Variants in STXBP2 observed in about 807,000 individuals in gnomAD.
STXBP2 encodes the protein syntaxin binding protein 2, also known as syntaxin-binding protein 2.
Under a neutral mutation model 72.2 loss-of-function variants are expected in STXBP2, and 47 were observed. That is an observed-to-expected ratio of 0.65 (90% CI 0.51 to 0.83). STXBP2 has a LOEUF of 0.83. STXBP2 is among the 40% of genes least tolerant of loss of function. The pLI is 0.00. For missense variants in STXBP2, 702 were observed against 807.6 expected (o/e 0.87, Z 1.58); for synonymous variants, 367 against 338.7 (o/e 1.08, Z -0.92).
chr19:7,642,959 A>C lies in STXBP2; in HGVS notation c.961-24A>C. 1 of 1,613,532 alleles carries C rather than the reference A, an allele frequency of 6.2e-7. No individual in the cohort carries two copies. The highest frequency in any genetic ancestry group is 1.3e-5 in the African/African-American group (1 of 74,812). ...TGCCTGGCTTCGCCCCCCAATCCCT[A>C]CCCTCTTCCCCCTACTTCCCCAGGC... On this transcript the variant is annotated intron_variant, in intron 11 of 18. Coordinates refer to ENST00000221283, the MANE Select transcript of STXBP2 (RefSeq NM_006949.4). The surrounding 1 kb of genome is among the most constrained non-coding windows in gnomAD (Gnocchi z 6.0).
At chr19:7,638,824 G>C in intron 2 of STXBP2, 49 bp downstream of exon 2, 1 of 1,612,278 alleles carries the variant, frequency 6.2e-7, no homozygotes, top group Non-Finnish European at 8.5e-7. Flanking sequence ...TCATCATCAG[G>C]CCTATGGGGA....
intron 4 of STXBP2, chr19:7,640,464 A>G (rs1243510989): frequency 4.8e-6 from 3 of 631,364 alleles, no homozygotes; most frequent in Admixed American, 2.2e-5. Flanking sequence ...ATGTGTGTGC[A>G]TCTCTGTGTG....
chr19:7,640,641 G>A (rs1599394847), intron 4 of STXBP2, 90 bp from the exon 5 acceptor site: 1 of 1,532,434 alleles, frequency 6.5e-7, no homozygotes, highest in Non-Finnish European at 9.0e-7. Context: ...GTTTGCACAT[G>A]GTGGCAGATG....
Position 7,642,489 on chromosome 19 carries a change from T to C in STXBP2, c.855T>C (p.Asp285=). The change falls in exon 10 of 19, where the codon GAT becomes GAC. Residue 285 remains aspartate, a synonymous_variant. Coordinates refer to ENST00000221283, the MANE Select transcript of STXBP2 (RefSeq NM_006949.4). The surrounding 1 kb of genome is among the most constrained non-coding windows in gnomAD (Gnocchi z 6.0). ...REKAVLLDED[D]DLWVELRHMH... ...AGGCCGTCTTGCTGGACGAGGACGA[T>C]GACTTGTGGGTGGAGCTTCGCCACA... 1.2e-6 allele frequency: 2 copies of C among 1,614,064 alleles called. No homozygotes were observed. The highest frequency in any genetic ancestry group is 1.7e-6 in the Non-Finnish European group (2 of 1,180,034).
the STXBP2 span, chr19:7,630,033 G>A: frequency 2.4e-6 from 2 of 817,130 alleles, no homozygotes; most frequent in Non-Finnish European, 3.6e-6. Flanking sequence ...GCTGGGCTGG[G>A]GGGGTTCTCG....
intron 13 of STXBP2, chr19:7,644,380 G>A (rs1403006300): frequency 1.0e-5 from 6 of 595,280 alleles, no homozygotes; most frequent in South Asian, 9.7e-5. Context: ...CAGGATAGTG[G>A]TGTGACCTGT....
At chr19:7,631,399 C>CG in the STXBP2 span, 11,962 of 576,248 alleles carry the variant, frequency 0.021, 74 homozygotes, top group African/African-American at 0.084. Context: ...GAGAGGTGGG[C>CG]GGGGGGGGGT....
At chr19:7,638,662 A>AGGCTTGG in intron 1 of STXBP2, 64 bp from the exon 2 acceptor site, 1 of 1,582,860 alleles carries the variant, frequency 6.3e-7, no homozygotes, top group Non-Finnish European at 8.7e-7. Flanking sequence ...AAGGCTGAGA[A>AGGCTTGG]GGCTTGGGGC....
chr19:7,629,879 G>T, the STXBP2 span: 1 of 1,521,882 alleles, frequency 6.6e-7, no homozygotes, highest in East Asian at 2.5e-5. Context: ...ACACAGGAGT[G>T]GGTTGGGAGG....
chr19:7,637,206 C>G lies in STXBP2; in HGVS notation c.37+20C>G. 1.6e-6 allele frequency: 2 copies of G among 1,241,384 alleles called. No individual in the cohort carries two copies. Among genetic ancestry groups the G allele is most frequent in the Non-Finnish European group, 2.0e-6 (2 of 987,822 alleles). 76.9% of individuals were successfully genotyped at this position (1,241,384 alleles called of 1,614,324 possible). On this transcript the variant is annotated intron_variant, in intron 1 of 18. Transcript: ENST00000221283. Reference sequence around the variant, plus strand: ...GGGAAAGTGAGTGCCTCTCCGGGGCCGGGCTCTGGCGTCCGGTGTGGGACG... The same window carrying G: ...GGGAAAGTGAGTGCCTCTCCGGGGCGGGGCTCTGGCGTCCGGTGTGGGACG...
chr19:7,634,371 C>T (rs1404369591), upstream of STXBP2, among the ~76,000 whole-genome samples: 2 of 152,202 alleles, frequency 1.3e-5, no homozygotes, highest in Non-Finnish European at 2.9e-5. Flanking sequence ...GCTGCACTAT[C>T]ACCACCTCTG....
intron 13 of STXBP2, 154 bp downstream of exon 13, chr19:7,643,399 G>T (rs1599400848): frequency 1.3e-6 from 1 of 799,196 alleles, no homozygotes; most frequent in East Asian, 2.7e-5. Flanking sequence ...TGGTGGGGAA[G>T]GAGTGGGTCT....
rs1333877036 is a variant in STXBP2 at position 7,642,142 on chromosome 19, G to A, written c.663+24G>A. The A allele has an allele frequency of 8.1e-6, 13 of 1,613,928 alleles. No individual in the cohort carries two copies. The highest frequency in any genetic ancestry group is 9.3e-6 in the Non-Finnish European group (11 of 1,180,002). On this transcript the variant is annotated intron_variant, in intron 8 of 18. Coordinates refer to ENST00000221283, the MANE Select transcript of STXBP2 (RefSeq NM_006949.4). The surrounding 1 kb of genome is among the most constrained non-coding windows in gnomAD (Gnocchi z 6.0). ...AGGTGAGGGGGCGTGCTTGGGAGGT[G>A]AGGGGCAGCCCCAACCGGCTCAGGG... is the stretch of plus-strand genomic sequence containing the variant.
intron 1 of STXBP2, among the ~76,000 whole-genome samples, chr19:7,638,332 T>G (rs1451433496): frequency 1.3e-5 from 2 of 152,230 alleles, no homozygotes; most frequent in Non-Finnish European, 2.9e-5. Flanking sequence ...TCCTGTGCCG[T>G]GTCTCACACC....
At chr19:7,639,888 T>TCACA in intron 4 of STXBP2, 81 bp downstream of exon 4, 15 of 1,413,818 alleles carry the variant, frequency 1.1e-5, no homozygotes, top group Non-Finnish European at 1.3e-5. Flanking sequence ...ATGCATGTGA[T>TCACA]TGCATGTGTG....
rs1491360736 is a variant in STXBP2, at chr19:7,637,111, GGA to G, written c.-38_-37del. The stretch of plus-strand genomic sequence containing the variant: ...CGCGCGGGGCCACGCCCCCACCTTG[GGA>G]CACACCCGGAAGCGGCGGCGGCGCC... On this transcript the variant is annotated 5_prime_UTR_variant, in exon 1 of 19. Coordinates refer to ENST00000221283, the MANE Select transcript of STXBP2 (RefSeq NM_006949.4). 2,181 of 1,238,674 alleles carry G rather than the reference GGA, an allele frequency of 1.8e-3. 29 individuals are homozygous for G. The African/African-American group carries it at 0.031, about 18-fold the overall frequency. The allele number at this position is 1,238,674 out of a possible 1,614,324, so 76.7% of individuals were successfully genotyped here.
the STXBP2 span, chr19:7,631,331 A>G: frequency 2.9e-6 from 4 of 1,381,578 alleles, no homozygotes; most frequent in Admixed American, 1.4e-4. Flanking sequence ...TGTAATTGGC[A>G]GGGGGCTTCC....
upstream of STXBP2, chr19:7,633,541 G>A (rs2031424975): frequency 8.7e-6 from 12 of 1,373,110 alleles, no homozygotes; most frequent in South Asian, 1.5e-4. Context: ...AGGACGTGGG[G>A]GTGTGGATTC....
Position 7,642,235 on chromosome 19 carries a change from A to G in STXBP2, c.696A>G (p.Ile232Met). ...GPEKTRSQLL[I>M]MDRAADPVSP... is the part of the protein sequence containing the mutation. ...AGAAAACCCGCTCCCAGCTGCTGAT[A>G]ATGGACCGGGCAGCTGACCCCGTGT... Residue 232 changes from isoleucine to methionine, a missense_variant, in exon 9 of 19, where the codon ATA (isoleucine) becomes ATG (methionine). Physicochemically the swap from Ile to Met is conservative, Grantham distance 10. Coordinates refer to ENST00000221283, the MANE Select transcript of STXBP2 (RefSeq NM_006949.4). This position sits in a 1 kb window ranked among gnomAD's most constrained non-coding sequence, Gnocchi z 6.0. 2 of 1,614,108 alleles carry G rather than the reference A, an allele frequency of 1.2e-6. No individual in the cohort carries two copies. Among genetic ancestry groups the G allele is most frequent in the Non-Finnish European group, 1.7e-6 (2 of 1,180,000 alleles).
Sources: gnomAD v4.1 joint callset for allele counts (sites outside exome capture counted in the v4.1 genomes callset) on GRCh38, gnomAD v4.1.1 for gene constraint, Gnocchi (gnomAD v3.1) non-coding constraint, MANE v1.5 for transcripts, NCBI Gene and HGNC (gene_info 2026-07-23, HGNC 2026-07-21) for gene names.